Variants in STARD9 observed in about 807,000 individuals in gnomAD.
STARD9 encodes the protein stAR-related lipid transfer protein 9.
STARD9 carries 346 observed loss-of-function variants against 399.8 expected under a neutral mutation model. That is an observed-to-expected ratio of 0.87 (90% confidence interval 0.79 to 0.95). STARD9 has a LOEUF of 0.95. STARD9 is among the 40% of genes least tolerant of loss of function. STARD9 has a pLI of 0.00. For missense variants in STARD9, 5,832 were observed against 5,667.5 expected, an observed-to-expected ratio of 1.03 and a Z score of -0.93; for synonymous variants, 2,203 against 2,143.5, an observed-to-expected ratio of 1.03 and a Z score of -0.77.
At chr15:42,597,998 A>ATGTGTGTGTG (rs770352086) in intron 3 of STARD9, among the ~76,000 whole-genome samples, 6,256 of 112,330 alleles carry the variant, frequency 0.056, 281 homozygotes, top group Non-Finnish European at 0.075. Flanking sequence ...TTGTATATAT[A>ATGTGTGTGTG]TATGTGTGTG....
chr15:42,594,519 A>C (rs2058466278), intron 3 of STARD9, among the ~76,000 whole-genome samples: 1 of 152,244 alleles, frequency 6.6e-6, no homozygotes, highest in Non-Finnish European at 1.5e-5. Flanking sequence ...ATAGTAGCTA[A>C]ATAGCTTGAC....
chr15:42,662,976 G>C (rs2060019431), intron 11 of STARD9, 85 bp downstream of exon 11: 1 of 1,059,264 alleles, frequency 9.4e-7, no homozygotes, highest in Admixed American at 2.1e-5. Context: ...GGTAGACACA[G>C]GGTTCCTTTT....
At chr15:42,667,577 G>A (rs2060127508) in intron 15 of STARD9, among the ~76,000 whole-genome samples, 1 of 151,946 alleles carries the variant, frequency 6.6e-6, no homozygotes, top group South Asian at 2.1e-4. Context: ...TGCCTGCTGG[G>A]TTCAAGCAAT....
At chr15:42,625,865 C>A (rs549630938) in intron 3 of STARD9, among the ~76,000 whole-genome samples, 2 of 151,770 alleles carry the variant, frequency 1.3e-5, no homozygotes, top group Non-Finnish European at 2.9e-5. Context: ...AAAGAATGAC[C>A]CCTAAGCCCT....
In STARD9 at chr15:42,695,897, TGGGA is replaced by T. The variant is rs1170519409; in HGVS notation, c.13284+18_13284+21del. The T allele has an allele frequency of 6.5e-7, 1 of 1,533,102 alleles. No individual in the cohort carries two copies. The highest frequency in any genetic ancestry group is 1.4e-5 in the African/African-American group (1 of 70,784). 95.0% of individuals were successfully genotyped at this position (1,533,102 alleles called of 1,614,324 possible). A position where few individuals can be genotyped will look rare whatever the true frequency, so the allele number is the denominator to read the frequency against. On this transcript the variant is annotated intron_variant, in intron 26 of 32. Coordinates refer to ENST00000290607, the MANE Select transcript of STARD9 (RefSeq NM_020759.3). ...GAGAATATGGTGAGTAGGCAGATGTTGGGAATGAGCCAGGGGCCTGGACTGCCAA... is the reference window on the plus strand; with the variant it reads ...GAGAATATGGTGAGTAGGCAGATGTTATGAGCCAGGGGCCTGGACTGCCAA...
At position 42,687,957 on chromosome 15, in the gene STARD9, G is replaced by A; in HGVS notation, c.6379G>A (p.Asp2127Asn). ...PRQTDDTVFR[D>N]SEAGAMEVNS... ...ACAGACAGATGATACTGTCTTTAGG[G>A]ATAGTGAAGCTGGAGCGATGGAGGT... Residue 2127 changes from aspartate (D) to asparagine (N), a missense_variant, in exon 23 of 33, where the codon GAT (aspartate) becomes AAT (asparagine). Around this residue, in one of 2 missense-constraint regions of STARD9, gnomAD observed 5,828 missense variants for 5,651.1 expected, o/e 1.03. Coordinates refer to ENST00000290607, the MANE Select transcript of STARD9 (RefSeq NM_020759.3). 6.5e-7 allele frequency: 1 copy of A among 1,537,434 alleles called. No homozygotes were observed. Among genetic ancestry groups the A allele is most frequent in the East Asian group, 2.4e-5 (1 of 40,912 alleles).
chr15:42,591,565 T>C (rs2058394550), intron 3 of STARD9, among the ~76,000 whole-genome samples: 1 of 152,138 alleles, frequency 6.6e-6, no homozygotes, highest in Non-Finnish European at 1.5e-5. Context: ...GGCCATGTAA[T>C]TTATGGCATT....
chr15:42,659,609 C>T (rs921617033), intron 9 of STARD9, among the ~76,000 whole-genome samples: 4 of 152,230 alleles, frequency 2.6e-5, no homozygotes, highest in African/African-American at 9.6e-5. Flanking sequence ...TCACTGCAGC[C>T]TCTGCCTCCT....
At chr15:42,618,724 G>A (rs1389254633) in intron 3 of STARD9, among the ~76,000 whole-genome samples, 1 of 151,934 alleles carries the variant, frequency 6.6e-6, no homozygotes, top group Non-Finnish European at 1.5e-5. Context: ...AGCCTCCCGA[G>A]TAGCTGGGAC....
intron 6 of STARD9, 79 bp from the exon 7 acceptor site, chr15:42,638,621 A>G: frequency 1.1e-6 from 1 of 945,016 alleles, no homozygotes; most frequent in Non-Finnish European, 1.6e-6. Flanking sequence ...AAGAACTAAG[A>G]CCTCCTGATT....
chr15:42,699,392 C>CTTTTTTTTTTTTTTTTT lies in STARD9; in HGVS notation c.13284+3516_13284+3532dup, dbSNP rs34614271. Among the ~76,000 whole-genome samples, 291 of 113,278 alleles carry CTTTTTTTTTTTTTTTTT rather than the reference C, an allele frequency of 2.6e-3. 35 individuals are homozygous for CTTTTTTTTTTTTTTTTT. Among genetic ancestry groups the CTTTTTTTTTTTTTTTTT allele is most frequent in the African/African-American group, 8.8e-3 (215 of 24,546 alleles). 74.3% of individuals were successfully genotyped at this position (113,278 alleles called of 152,430 possible). ...TCTATGAGATCAACTTTTTTCTTTT[C>CTTTTTTTTTTTTTTTTT]TTTTTTTTTTTTTTTTTTTTGAGAT... On this transcript the variant is annotated intron_variant, in intron 26 of 32. Transcript: ENST00000290607.
chr15:42,691,682 A>C lies in STARD9; in HGVS notation c.10104A>C (p.Ser3368=), dbSNP rs1293829732. ...LWNPHLRGYS[S]GKSVARTSLQ... Reference sequence around the variant, plus strand: ...ACCCACATCTCAGGGGCTATTCCTCAGGAAAGTCAGTGGCAAGAACATCTC... The same window carrying C: ...ACCCACATCTCAGGGGCTATTCCTCCGGAAAGTCAGTGGCAAGAACATCTC... Residue 3368 remains serine (S), a synonymous_variant, in exon 23 of 33, where the codon TCA becomes TCC. Transcript: ENST00000290607. 2 of 1,537,290 alleles carry C rather than the reference A, an allele frequency of 1.3e-6. No homozygotes were observed. The highest frequency in any genetic ancestry group is 1.7e-6 in the Non-Finnish European group (2 of 1,146,918).
chr15:42,655,821 T>C (rs1479317501), intron 9 of STARD9, among the ~76,000 whole-genome samples: 5 of 152,102 alleles, frequency 3.3e-5, no homozygotes, highest in African/African-American at 1.2e-4. Context: ...ATATTTGCAA[T>C]CTATGCATCC....
At chr15:42,678,725 A>G (rs1242261817) in intron 20 of STARD9, among the ~76,000 whole-genome samples, 3 of 152,160 alleles carry the variant, frequency 2.0e-5, no homozygotes, top group African/African-American at 4.8e-5. Flanking sequence ...CAGCTGGGGG[A>G]TACTGGAGCC....
intron 3 of STARD9, among the ~76,000 whole-genome samples, chr15:42,594,376 T>C (rs1318218609): frequency 6.6e-6 from 1 of 150,528 alleles, no homozygotes; most frequent in Non-Finnish European, 1.5e-5. Context: ...ACATGAGGAG[T>C]TTTTTTCTGG....
At chr15:42,643,594 G>A (rs529710891) in intron 7 of STARD9, among the ~76,000 whole-genome samples, 1 of 142,774 alleles carries the variant, frequency 7.0e-6, no homozygotes, top group Non-Finnish European at 1.5e-5. Flanking sequence ...GGGTTCAAGC[G>A]ATTCTCCTGC....
intron 7 of STARD9, among the ~76,000 whole-genome samples, chr15:42,643,492 G>A (rs891020554): frequency 1.3e-5 from 2 of 150,914 alleles, no homozygotes; most frequent in African/African-American, 2.4e-5. Flanking sequence ...CACTGTGCCC[G>A]GCCCCTCGTT....
chr15:42,606,953 A>T (rs1380794984), intron 3 of STARD9, among the ~76,000 whole-genome samples: 1 of 151,670 alleles, frequency 6.6e-6, no homozygotes, highest in African/African-American at 2.4e-5. Flanking sequence ...AGTGTACTTC[A>T]TTGATTGATT....
Position 42,659,841 on chromosome 15 carries a change from G to A in STARD9, c.703-1317G>A, listed in dbSNP as rs564907467. Among the ~76,000 whole-genome samples the A allele has an allele frequency of 8.0e-4, 122 of 152,156 alleles. 3 individuals carry two copies. The South Asian group carries it at 0.013, about 16-fold the overall frequency. On this transcript the variant is annotated intron_variant, in intron 9 of 32. Coordinates refer to ENST00000290607, the MANE Select transcript of STARD9 (RefSeq NM_020759.3). ...GCCCAGCCTAGCAGTTTCTTAAAATGTATACCTACCATATGACCCAGCAAT... is the reference window on the plus strand; with the variant it reads ...GCCCAGCCTAGCAGTTTCTTAAAATATATACCTACCATATGACCCAGCAAT...
Sources: gnomAD v4.1 joint callset for allele counts (sites outside exome capture counted in the v4.1 genomes callset) on GRCh38, gnomAD v4.1.1 for gene constraint, gnomAD v4.1.1 regional missense constraint, MANE v1.5 for transcripts, NCBI Gene and HGNC (gene_info 2026-07-23, HGNC 2026-07-21) for gene names.